The following SPPL3 variants were observed in gnomAD, a reference collection of about 807,000 sequenced individuals.
The protein encoded by SPPL3 is signal peptide peptidase like 3, also known as signal peptide peptidase-like 3.
Under a neutral mutation model 42.4 loss-of-function variants are expected in SPPL3, and 5 were observed. That is an observed-to-expected ratio of 0.12 (90% CI 0.06 to 0.25). The LOEUF is 0.25. Among genes scored for constraint, SPPL3 ranks in the 10% least tolerant of loss-of-function variants. The pLI, the probability that SPPL3 is intolerant of heterozygous loss-of-function variation, is 1.00. For synonymous variants in SPPL3, 195 were observed against 181.8 expected (o/e 1.07, Z -0.58); for missense variants, 235 against 489.0 (o/e 0.48, Z 4.90).
At chr12:120,766,414 C>T in intron 9 of SPPL3, 42 bp from the exon 10 acceptor site, 1 of 1,480,288 alleles carries the variant, frequency 6.8e-7, no homozygotes, top group Non-Finnish European at 9.2e-7. Flanking sequence ...GAGAGGGAAC[C>T]CGTGTCACCT....
chr12:120,890,614 A>C (rs1873610905), intron 1 of SPPL3, among the ~76,000 whole-genome samples: 1 of 150,798 alleles, frequency 6.6e-6, no homozygotes, highest in South Asian at 2.1e-4. Flanking sequence ...AAAAAAATCA[A>C]ATCCAGAATA....
At chr12:120,773,115 C>T (rs1869182081) in intron 6 of SPPL3, among the ~76,000 whole-genome samples, 1 of 152,160 alleles carries the variant, frequency 6.6e-6, no homozygotes, top group Admixed American at 6.5e-5. Context: ...ATGACTGAAA[C>T]ATGATGTTTA....
chr12:120,845,587 C>A (rs375873281), intron 1 of SPPL3: 1 of 474,894 alleles, frequency 2.1e-6, no homozygotes, highest in Non-Finnish European at 4.1e-6. Context: ...TCCAGGCCCA[C>A]CATGAGGATG....
At chr12:120,776,150 C>T (rs144063796) in intron 6 of SPPL3, among the ~76,000 whole-genome samples, 1 of 152,254 alleles carries the variant, frequency 6.6e-6, no homozygotes, top group East Asian at 1.9e-4. Context: ...TCAACCAGTG[C>T]AAACTGGCAG....
At chr12:120,820,568 G>A (rs1330909768) in intron 1 of SPPL3, among the ~76,000 whole-genome samples, 11 of 151,780 alleles carry the variant, frequency 7.2e-5, no homozygotes, top group Non-Finnish European at 1.3e-4. Context: ...TGCCCGCCTC[G>A]GCCTCCCAAA....
intron 1 of SPPL3, among the ~76,000 whole-genome samples, chr12:120,851,976 T>C (rs912270713): frequency 2.6e-5 from 4 of 152,324 alleles, no homozygotes; most frequent in South Asian, 2.1e-4. Context: ...TTTGCAAAGA[T>C]ATGGCATCAT....
chr12:120,805,778 ATACT>A (rs1425369482), intron 2 of SPPL3, among the ~76,000 whole-genome samples: 3 of 152,246 alleles, frequency 2.0e-5, no homozygotes, highest in Admixed American at 1.3e-4. Context: ...AAGTAAAAAA[ATACT>A]TAGGAATAAA....
intron 1 of SPPL3, among the ~76,000 whole-genome samples, chr12:120,872,383 C>T (rs1872959348): frequency 6.6e-6 from 1 of 152,120 alleles, no homozygotes; most frequent in Non-Finnish European, 1.5e-5. Context: ...GACTGTGATC[C>T]CCCTCCAGGG....
At chr12:120,903,777 G>A in intron 1 of SPPL3, 68 bp downstream of exon 1, 2 of 988,768 alleles carry the variant, frequency 2.0e-6, no homozygotes, top group South Asian at 1.7e-5. Context: ...TCTTCCCCTC[G>A]GCGGGCCGCG....
intron 2 of SPPL3, among the ~76,000 whole-genome samples, chr12:120,798,525 C>T (rs1352336278): frequency 1.3e-5 from 2 of 152,288 alleles, no homozygotes; most frequent in Middle Eastern, 3.4e-3. Context: ...TTCATGTTTT[C>T]GCACAGCAGA....
At chr12:120,805,987 G>A (rs2047568) in intron 2 of SPPL3, among the ~76,000 whole-genome samples, 61,154 of 147,536 alleles carry the variant, frequency 0.41, 14,105 homozygotes, top group Middle Eastern at 0.57. Context: ...AATGCCTATC[G>A]AAATCCCTGC....
chr12:120,789,940 T>C (rs895305476), intron 3 of SPPL3, among the ~76,000 whole-genome samples: 4 of 150,480 alleles, frequency 2.7e-5, no homozygotes, highest in African/African-American at 4.9e-5. Context: ...AACTTAGACA[T>C]AATAATATAG....
At chr12:120,810,977 CT>C (rs1431848825) in intron 1 of SPPL3, 91 bp from the exon 2 acceptor site, 3 of 786,512 alleles carry the variant, frequency 3.8e-6, no homozygotes, top group Non-Finnish European at 6.0e-6. Context: ...CCCCACTGAG[CT>C]TTGTTTTTAT....
rs183748065 is a variant in SPPL3, at chr12:120,846,028, C to A, written c.24-35142G>T. 8.0e-4 allele frequency among the ~76,000 whole-genome samples: 122 copies of A among 152,250 alleles called. 1 individual carries two copies. Among genetic ancestry groups the A allele is most frequent in the Middle Eastern group, 3.4e-3 (1 of 294 alleles). Reference sequence around the variant, plus strand: ...TTCTTATACCTTAGCCCCCAAGTAGCTGGGACCACAGGTGCATGCCACCAC... The same window carrying A: ...TTCTTATACCTTAGCCCCCAAGTAGATGGGACCACAGGTGCATGCCACCAC... On this transcript the variant is annotated intron_variant, in intron 1 of 10. Coordinates refer to ENST00000353487, the MANE Select transcript of SPPL3 (RefSeq NM_139015.5).
rs543480285 is a variant in SPPL3, at chr12:120,904,152, G to A, written c.-285C>T. 3.5e-3 allele frequency: 1,016 copies of A among 289,478 alleles called. 10 individuals are homozygous for A. The highest frequency in any genetic ancestry group is 0.02 in the African/African-American group (868 of 44,340). 17.9% of individuals were successfully genotyped at this position (289,478 alleles called of 1,614,324 possible). A position where few individuals can be genotyped will look rare whatever the true frequency, so the allele number is the denominator to read the frequency against. On this transcript the variant is annotated 5_prime_UTR_variant, in exon 1 of 11. Transcript: ENST00000353487. ...CTGCAGCTCCAAACCCAACATGGCG[G>A]CGGCGGCGGCGCGGAGAACAAGGGG...
intron 1 of SPPL3, among the ~76,000 whole-genome samples, chr12:120,872,862 A>G (rs1872970422): frequency 6.6e-6 from 1 of 152,234 alleles, no homozygotes; most frequent in Admixed American, 6.5e-5. Flanking sequence ...ACAAGGATCA[A>G]ACTGATCCAA....
intron 1 of SPPL3, among the ~76,000 whole-genome samples, chr12:120,847,447 C>T (rs2137031205): frequency 6.6e-6 from 1 of 152,216 alleles, no homozygotes; most frequent in East Asian, 1.9e-4. Context: ...TGTGTGCCAC[C>T]ACACCTGGCT....
Position 120,764,052 on chromosome 12 carries a change from A to C in SPPL3, c.*947T>G, listed in dbSNP as rs1388789720. ...AGAAAGAAAGGGCCAAAAGGTTTGA[A>C]CTCTTCATCCCTAATTTGCTACACT... On this transcript the variant is annotated 3_prime_UTR_variant, in exon 11 of 11. Transcript: ENST00000353487. 6.6e-6 allele frequency: 1 copy of C among 152,452 alleles called. No individual in the cohort carries two copies. Among genetic ancestry groups the C allele is most frequent in the African/African-American group, 2.4e-5 (1 of 41,382 alleles). 9.4% of individuals were successfully genotyped at this position (152,452 alleles called of 1,614,324 possible). A position where few individuals can be genotyped will look rare whatever the true frequency, so the allele number is the denominator to read the frequency against.
Position 120,763,025 on chromosome 12 carries a change from T to C in SPPL3, c.*1974A>G, listed in dbSNP as rs1868727211. ...AAGGGAGAGTCCGCAAGTGGATTTT[T>C]AGTCTTCACCCAATGCAGAGGCAGT... is the stretch of plus-strand genomic sequence containing the variant. On this transcript the variant is annotated 3_prime_UTR_variant, in exon 11 of 11. Transcript: ENST00000353487. 6.6e-6 allele frequency: 1 copy of C among 152,310 alleles called. No individual in the cohort carries two copies. The highest frequency in any genetic ancestry group is 1.5e-5 in the Non-Finnish European group (1 of 68,140). The allele number at this position is 152,310 out of a possible 1,614,324, so 9.4% of individuals were successfully genotyped here. A position where few individuals can be genotyped will look rare whatever the true frequency, so the allele number is the denominator to read the frequency against.
Sources: allele counts gnomAD v4.1 joint callset (sites outside exome capture counted in the v4.1 genomes callset), GRCh38; gene constraint gnomAD v4.1.1; transcripts MANE v1.5; gene names NCBI Gene and HGNC (gene_info 2026-07-23, HGNC 2026-07-21).